The following NFYC variants were observed in gnomAD, a reference collection of about 807,000 sequenced individuals.
The protein encoded by NFYC is nuclear transcription factor Y subunit gamma, also known as CAAT box DNA-binding protein subunit C.
In NFYC, 25 loss-of-function variants were observed where a neutral mutation model predicts 53.1. That is an observed-to-expected ratio of 0.47 (90% CI 0.34 to 0.66). The LOEUF (loss-of-function observed/expected upper bound fraction) is 0.66, where lower values mean the gene tolerates loss of function less well. Ranked by LOEUF, NFYC falls within the 30% of genes least tolerant of loss-of-function variation. The pLI is 0.01. For missense variants in NFYC, 260 were observed against 422.7 expected, an observed-to-expected ratio of 0.62 and a Z score of 3.38; for synonymous variants, 145 against 152.6, an observed-to-expected ratio of 0.95 and a Z score of 0.37.
At chr1:40,718,220 G>T (rs1644208514) in intron 1 of NFYC, among the ~76,000 whole-genome samples, 2 of 152,182 alleles carry the variant, frequency 1.3e-5, no homozygotes, top group South Asian at 4.1e-4. Context: ...TTAGTGAAGT[G>T]ATTTCATACT....
In NFYC at chr1:40,770,586, T is replaced by C. The variant is rs758320846; in HGVS notation, c.889-123T>C. On this transcript the variant is annotated intron_variant, in intron 9 of 9. Coordinates refer to ENST00000447388, the MANE Select transcript of NFYC (RefSeq NM_014223.5). The surrounding 1 kb of genome is among the most constrained non-coding windows in gnomAD (Gnocchi z 5.3). ...GCAGAGCTCCACTTCCCCTCCTCCT[T>C]CTGACGCCTTGCAGTGGGTGGTGGT... 1.2e-5 allele frequency: 19 copies of C among 1,611,552 alleles called. No homozygotes were observed. Among genetic ancestry groups the C allele is most frequent in the East Asian group, 6.7e-5 (3 of 44,796 alleles).
chr1:40,746,712 G>A (rs1319363589), intron 2 of NFYC, among the ~76,000 whole-genome samples: 4 of 152,046 alleles, frequency 2.6e-5, no homozygotes, highest in African/African-American at 9.7e-5. Context: ...TCCATCATTG[G>A]GCATGTGTTT....
intron 1 of NFYC, among the ~76,000 whole-genome samples, chr1:40,702,341 C>CTTTTTTTTTTTTTTTTTTTTTTTTTTT (rs11307589): frequency 8.4e-6 from 1 of 118,914 alleles, no homozygotes. Context: ...ATCTTCAGAA[C>CTTTTTTTTTTTTTTTTTTTTTTTTTTT]TTTTTTTTTT....
chr1:40,737,526 A>G (rs1439596883), intron 1 of NFYC, among the ~76,000 whole-genome samples: 1 of 151,520 alleles, frequency 6.6e-6, no homozygotes, highest in Non-Finnish European at 1.5e-5. Flanking sequence ...ATGGGGTTTC[A>G]CCATGTTGCC....
chr1:40,747,547 T>C lies in NFYC; in HGVS notation c.119T>C (p.Val40Ala). 6.2e-7 allele frequency: 1 copy of C among 1,613,084 alleles called. No individual in the cohort carries two copies. The highest frequency in any genetic ancestry group is 8.5e-7 in the Non-Finnish European group (1 of 1,179,150). ...TGTTCATTTCAGAAAGACTTCCGAG[T>C]GCAGGAACTCCCACTGGCTCGTATT... ...IRNLTVKDFR[V>A]QELPLARIKK... Residue 40 changes from valine to alanine, a missense_variant, in exon 3 of 10, where the codon GTG becomes GCG. Physicochemically the swap from Val to Ala is moderately conservative, Grantham distance 64. Coordinates refer to ENST00000447388, the MANE Select transcript of NFYC (RefSeq NM_014223.5).
intron 4 of NFYC, 30 bp downstream of exon 4, chr1:40,749,716 T>G (rs1553159015): frequency 6.4e-7 from 1 of 1,567,874 alleles, no homozygotes; most frequent in Non-Finnish European, 8.8e-7. Context: ...TTAGGAAAAC[T>G]GGGGTAAGCA....
chr1:40,757,108 A>G (rs1030902749), intron 5 of NFYC, among the ~76,000 whole-genome samples: 10 of 152,216 alleles, frequency 6.6e-5, no homozygotes, highest in African/African-American at 2.4e-4. Context: ...TGCCCTGAAT[A>G]AGGACATGAG....
chr1:40,730,591 AAAGT>A, intron 1 of NFYC: 1 of 985,448 alleles, frequency 1.0e-6, no homozygotes, highest in African/African-American at 1.7e-5. Flanking sequence ...GCAAGTCACA[AAAGT>A]GAGTGAAGAA....
chr1:40,757,153 A>G lies in NFYC; in HGVS notation c.388-968A>G, dbSNP rs185812763. 222 of 248,254 alleles carry G rather than the reference A, an allele frequency of 8.9e-4. 4 individuals are homozygous for G. In the East Asian group the frequency reaches 0.011, roughly 12 times the overall value. The allele number at this position is 248,254 out of a possible 1,614,324, so 15.4% of individuals were successfully genotyped here. On this transcript the variant is annotated intron_variant, in intron 5 of 9. Transcript: ENST00000447388. ...CTAATATTTTTACTCAGCCAGCCCA[A>G]GTGGTTCTGTGTTTTTATTGTTTTT...
chr1:40,754,952 G>A (rs545947625), intron 5 of NFYC, among the ~76,000 whole-genome samples: 21 of 152,296 alleles, frequency 1.4e-4, no homozygotes, highest in African/African-American at 4.8e-4. Flanking sequence ...GATTGGCATC[G>A]TATTCGGGAC....
At position 40,766,696 on chromosome 1, in the gene NFYC, C is replaced by T; in HGVS notation, c.821C>T (p.Ala274Val). 6.2e-7 allele frequency: 1 copy of T among 1,613,844 alleles called. No individual in the cohort carries two copies. The highest frequency in any genetic ancestry group is 8.5e-7 in the Non-Finnish European group (1 of 1,179,756). Residue 274 changes from alanine (A) to valine (V), a missense_variant, in exon 8 of 10, where the codon GCT (alanine) becomes GTT (valine). Coordinates refer to ENST00000447388, the MANE Select transcript of NFYC (RefSeq NM_014223.5). ...CAGATCCAGACACTTGCCACCAATG[C>T]TCAACAGGTATGTGCCCCAGAGACA... ...QGQIQTLATN[A>V]QQITQTEVQQ... is the part of the protein sequence containing the mutation.
chr1:40,734,340 CTTTATTTATTTATTTA>C (rs34100786), intron 1 of NFYC, among the ~76,000 whole-genome samples: 42 of 146,662 alleles, frequency 2.9e-4, no homozygotes, highest in East Asian at 1.0e-3. Flanking sequence ...ACTACGGTTG[CTTTATTTATTTATTTA>C]TTTATTTATT....
At chr1:40,754,672 T>C (rs1646111755) in intron 5 of NFYC, among the ~76,000 whole-genome samples, 1 of 152,262 alleles carries the variant, frequency 6.6e-6, no homozygotes, top group Non-Finnish European at 1.5e-5. Flanking sequence ...TTGTGAGCTC[T>C]GTGATGAAAT....
chr1:40,746,138 T>C (rs1645595856), intron 2 of NFYC, among the ~76,000 whole-genome samples: 1 of 152,218 alleles, frequency 6.6e-6, no homozygotes, highest in African/African-American at 2.4e-5. Flanking sequence ...TTCCTTTTGT[T>C]GAAATTTTAA....
chr1:40,697,410 G>A (rs1643206731), intron 1 of NFYC, among the ~76,000 whole-genome samples: 1 of 152,196 alleles, frequency 6.6e-6, no homozygotes, highest in Non-Finnish European at 1.5e-5. Context: ...CTGATTTTCA[G>A]TGGACCAGTG....
At chr1:40,755,746 C>G (rs1425781790) in intron 5 of NFYC, among the ~76,000 whole-genome samples, 1 of 152,156 alleles carries the variant, frequency 6.6e-6, no homozygotes, top group Non-Finnish European at 1.5e-5. Flanking sequence ...CTAGGTGCCT[C>G]CACTTGATTC....
chr1:40,757,533 A>G (rs1182876733), intron 5 of NFYC, among the ~76,000 whole-genome samples: 1 of 152,220 alleles, frequency 6.6e-6, no homozygotes, highest in African/African-American at 2.4e-5. Flanking sequence ...GACACTGGAT[A>G]GACATGCCCT....
chr1:40,727,915 C>T (rs1010232423), intron 1 of NFYC, among the ~76,000 whole-genome samples: 9 of 151,978 alleles, frequency 5.9e-5, no homozygotes, highest in Non-Finnish European at 1.2e-4. Context: ...TGAGGAATCC[C>T]TGTCTATGGC....
intron 1 of NFYC, among the ~76,000 whole-genome samples, chr1:40,706,480 G>T (rs530696564): frequency 3.5e-4 from 53 of 152,208 alleles, no homozygotes; most frequent in African/African-American, 1.2e-3. Context: ...TGTCAAGGAT[G>T]AGTTCTCATG....
Sources: gnomAD v4.1 joint callset for allele counts (sites outside exome capture counted in the v4.1 genomes callset) on GRCh38, gnomAD v4.1.1 for gene constraint, Gnocchi (gnomAD v3.1) non-coding constraint, MANE v1.5 for transcripts, NCBI Gene and HGNC (gene_info 2026-07-23, HGNC 2026-07-21) for gene names.